ABCB11: variants seen among roughly 807,000 people sequenced by gnomAD.
The protein encoded by ABCB11 is ATP binding cassette subfamily B member 11.
Under a neutral mutation model 148.0 loss-of-function variants are expected in ABCB11, and 95 were observed. That is an observed-to-expected ratio of 0.64 (90% CI 0.54 to 0.76). The LOEUF (loss-of-function observed/expected upper bound fraction) is 0.76, where lower values mean the gene tolerates loss of function less well. Ranked by LOEUF, ABCB11 falls within the 30% of genes least tolerant of loss-of-function variation. ABCB11 has a pLI of 0.00. For synonymous variants in ABCB11, 591 were observed against 555.4 expected (o/e 1.06, Z -0.90); for missense variants, 1,523 against 1,617.8 (o/e 0.94, Z 1.01).
intron 15 of ABCB11, 76 bp downstream of exon 15, chr2:168,969,968 CA>C: frequency 7.6e-7 from 1 of 1,310,900 alleles, no homozygotes; most frequent in Admixed American, 1.7e-5. Context: ...CCTCCCACCC[CA>C]CAAGGAGCTG....
chr2:169,029,118 A>T (rs1393771962), intron 1 of ABCB11, among the ~76,000 whole-genome samples: 1 of 151,860 alleles, frequency 6.6e-6, no homozygotes, highest in African/African-American at 2.4e-5. Flanking sequence ...GGGTCCCTCC[A>T]CGGCTTTTCT....
intron 21 of ABCB11, among the ~76,000 whole-genome samples, chr2:168,943,416 A>C (rs1277456815): frequency 6.6e-6 from 1 of 152,044 alleles, no homozygotes; most frequent in African/African-American, 2.4e-5. Flanking sequence ...ATTGCTTATA[A>C]GGAGGAGAAA....
intron 5 of ABCB11, among the ~76,000 whole-genome samples, chr2:169,006,846 C>T (rs949694168): frequency 6.6e-6 from 1 of 152,036 alleles, no homozygotes; most frequent in African/African-American, 2.4e-5. Context: ...ATCAATTTAA[C>T]AAAAAATTGC....
intron 21 of ABCB11, among the ~76,000 whole-genome samples, chr2:168,940,075 T>C (rs996179826): frequency 2.0e-5 from 3 of 152,056 alleles, no homozygotes; most frequent in African/African-American, 4.8e-5. Flanking sequence ...TGAGACACAA[T>C]AATATTGAAA....
intron 25 of ABCB11, 90 bp from the exon 26 acceptor site, chr2:168,927,452 C>T (rs1165610075): frequency 1.2e-5 from 14 of 1,120,182 alleles, no homozygotes; most frequent in Non-Finnish European, 1.7e-5. Context: ...TTATGCAGGA[C>T]ATTTGGTTTG....
downstream of ABCB11, among the ~76,000 whole-genome samples, chr2:168,915,438 TTGAG>T (rs570709683): frequency 1.5e-3 from 230 of 152,358 alleles, no homozygotes; most frequent in African/African-American, 4.6e-3. Context: ...TAAAGATCTA[TTGAG>T]TAAGATTGTA....
chr2:168,989,330 T>C (rs1306304815), intron 9 of ABCB11, among the ~76,000 whole-genome samples: 1 of 152,132 alleles, frequency 6.6e-6, no homozygotes, highest in East Asian at 1.9e-4. Context: ...TCAAATTTCA[T>C]TCTTCTGCAT....
rs111738268 is a variant in ABCB11 at position 168,957,461 on chromosome 2, A to G, written c.2343+503T>C. Among the ~76,000 whole-genome samples the G allele has an allele frequency of 1.4e-3, 207 of 151,800 alleles. 3 individuals carry two copies. The highest frequency in any genetic ancestry group is 4.8e-3 in the African/African-American group (198 of 41,504). ...AAAATTGGAATAAGCTTAGTTTTCAATCATGCCTTATTTTACTTCTGTCTT... is the reference window on the plus strand; with the variant it reads ...AAAATTGGAATAAGCTTAGTTTTCAGTCATGCCTTATTTTACTTCTGTCTT... On this transcript the variant is annotated intron_variant, in intron 19 of 27. Coordinates refer to ENST00000650372, the MANE Select transcript of ABCB11 (RefSeq NM_003742.4).
At chr2:168,930,971 T>A (rs191651961) in intron 24 of ABCB11, 109 bp from the exon 25 acceptor site, 2 of 995,396 alleles carry the variant, frequency 2.0e-6, no homozygotes, top group Admixed American at 2.4e-5. Context: ...CTTCAAACCA[T>A]GCTGCCAAAG....
chr2:169,005,157 A>G (rs888242619), intron 5 of ABCB11, among the ~76,000 whole-genome samples: 2 of 152,048 alleles, frequency 1.3e-5, no homozygotes, highest in Non-Finnish European at 2.9e-5. Flanking sequence ...CACTTTCAAG[A>G]GTGCATCAGC....
chr2:168,940,431 T>G (rs1692012469), intron 21 of ABCB11, among the ~76,000 whole-genome samples: 1 of 152,118 alleles, frequency 6.6e-6, no homozygotes, highest in African/African-American at 2.4e-5. Context: ...TGCTACAACA[T>G]TGCCTTAAGC....
At chr2:168,942,308 T>C (rs1374511521) in intron 21 of ABCB11, among the ~76,000 whole-genome samples, 1 of 151,826 alleles carries the variant, frequency 6.6e-6, no homozygotes, top group Non-Finnish European at 1.5e-5. Flanking sequence ...GCAATCCTAC[T>C]GTGTATGTAT....
intron 17 of ABCB11, among the ~76,000 whole-genome samples, chr2:168,967,221 C>G (rs1693357507): frequency 6.6e-6 from 1 of 151,792 alleles, no homozygotes; most frequent in African/African-American, 2.4e-5. Context: ...CTACCAGGTG[C>G]CTATAACATT....
chr2:168,995,179 A>C (rs1220575081), intron 7 of ABCB11, among the ~76,000 whole-genome samples, 170 bp downstream of exon 7: 2 of 152,072 alleles, frequency 1.3e-5, no homozygotes, highest in South Asian at 4.1e-4. Context: ...TTTAATGTCC[A>C]TATTTGACAG....
At chr2:168,977,210 G>T (rs1320548973) in intron 11 of ABCB11, among the ~76,000 whole-genome samples, 1 of 150,874 alleles carries the variant, frequency 6.6e-6, no homozygotes, top group Non-Finnish European at 1.5e-5. Flanking sequence ...CAATGTACTA[G>T]GTGTTTTTAT....
chr2:169,021,870 T>C lies in ABCB11; in HGVS notation c.-27-3718A>G, dbSNP rs1695551501. The stretch of plus-strand genomic sequence containing the variant: ...ATAAAACTTACCCATTAATAAGCCA[T>C]AAAAAATTTCTACAAATGAAAAACT... On this transcript the variant is annotated intron_variant, in intron 1 of 27. Coordinates refer to ENST00000650372, the MANE Select transcript of ABCB11 (RefSeq NM_003742.4). Among the ~76,000 whole-genome samples, 8 of 152,152 alleles carry C rather than the reference T, an allele frequency of 5.3e-5. No homozygotes were observed. In the South Asian group the frequency reaches 1.7e-3, roughly 32 times the overall value.
At chr2:168,915,800 T>C (rs892513477), downstream of ABCB11, among the ~76,000 whole-genome samples, 2 of 152,236 alleles carry the variant, frequency 1.3e-5, no homozygotes, top group Non-Finnish European at 1.5e-5. Context: ...GACAAGACAA[T>C]GTCACCTGGC....
At chr2:168,969,644 T>G in intron 15 of ABCB11, 93 bp from the exon 16 acceptor site, 1 of 1,138,728 alleles carries the variant, frequency 8.8e-7, no homozygotes, top group Non-Finnish European at 1.3e-6. Context: ...GAAAGTTAGA[T>G]CCTTGGTCCC....
chr2:169,013,807 A>G (rs561267502), intron 4 of ABCB11, among the ~76,000 whole-genome samples: 29 of 152,280 alleles, frequency 1.9e-4, no homozygotes, highest in Admixed American at 5.2e-4. Context: ...CTCATCTACA[A>G]CTTAGGGGAA....
Sources: gnomAD v4.1 joint callset for allele counts (sites outside exome capture counted in the v4.1 genomes callset) on GRCh38, gnomAD v4.1.1 for gene constraint, MANE v1.5 for transcripts, NCBI Gene and HGNC (gene_info 2026-07-23, HGNC 2026-07-21) for gene names.